The following MCF2L variants were observed in gnomAD, a reference collection of about 807,000 sequenced individuals.
MCF2L encodes guanine nucleotide exchange factor DBS.
MCF2L carries 97 observed loss-of-function variants against 153.4 expected under a neutral mutation model. The ratio of observed to expected loss-of-function variants is 0.63; its 90% CI spans 0.54 to 0.75. The LOEUF (loss-of-function observed/expected upper bound fraction) is 0.75. MCF2L is among the 30% of genes least tolerant of loss of function. MCF2L has a pLI of 0.00. For missense variants in MCF2L, 1,347 were observed against 1,495.2 expected (o/e 0.90, Z 1.64); for synonymous variants, 659 against 632.2 (o/e 1.04, Z -0.64).
At chr13:112,964,874 C>T (rs1311319668), upstream of MCF2L, 2 of 152,138 alleles carry the variant, frequency 1.3e-5, no homozygotes, top group East Asian at 3.8e-4. Context: ...TCTATATTTT[C>T]CAAAGTGAAC....
chr13:113,001,686 A>G (rs2083384908), intron 1 of MCF2L: 1 of 1,345,102 alleles, frequency 7.4e-7, no homozygotes, highest in Non-Finnish European at 9.5e-7. Context: ...CTGCAGCAGG[A>G]TAAGTGAGCC....
Position 113,033,291 on chromosome 13 carries a change from T to TG in MCF2L, c.278+8533_278+8534insG, listed in dbSNP as rs1566773049. Reference sequence around the variant, plus strand: ...GTGGCGTGAGTGGCCCCTGTGACATTAGTGGACCCCGTGGCGTGAGTGGCC... The same window carrying TG: ...GTGGCGTGAGTGGCCCCTGTGACATTGAGTGGACCCCGTGGCGTGAGTGGCC... On this transcript the variant is annotated intron_variant, in intron 3 of 29. Transcript: ENST00000535094. Among the ~76,000 whole-genome samples the TG allele has an allele frequency of 3.6e-3, 107 of 29,556 alleles. 8 individuals carry two copies. The highest frequency in any genetic ancestry group is 0.022 in the Middle Eastern group (1 of 46). 19.4% of individuals were successfully genotyped at this position (29,556 alleles called of 152,430 possible). A position where few individuals can be genotyped will look rare whatever the true frequency, so the allele number is the denominator to read the frequency against.
chr13:113,092,940 G>T, intron 26 of MCF2L, among the ~76,000 whole-genome samples: 1 of 149,642 alleles, frequency 6.7e-6, no homozygotes, highest in Admixed American at 6.7e-5. Flanking sequence ...CGCACAGGCC[G>T]GCCTCGCTGC....
intron 4 of MCF2L, among the ~76,000 whole-genome samples, chr13:113,050,739 G>A (rs2087228049): frequency 3.6e-5 from 1 of 27,742 alleles, no homozygotes; most frequent in Non-Finnish European, 7.9e-5. Flanking sequence ...GGGGGGCGGG[G>A]GGAGCGGGGG....
chr13:112,898,292 A>G (rs1229195549), intron 1 of MCF2L, among the ~76,000 whole-genome samples: 1 of 152,218 alleles, frequency 6.6e-6, no homozygotes, highest in Non-Finnish European at 1.5e-5. Context: ...CAGCACGGAC[A>G]GGTGCTCCAC....
Position 113,001,942 on chromosome 13 carries a change from G to T in MCF2L, c.80-12821G>T, listed in dbSNP as rs371859435. ...GTGCGCCGGCTGTCACTGCTGTGCC[G>T]GGACCTCTGGGCGCTGTGGCTGCTG... is the stretch of plus-strand genomic sequence containing the variant. On this transcript the variant is annotated intron_variant, in intron 1 of 29. Transcript: ENST00000535094. The T allele has an allele frequency of 6.3e-6, 10 of 1,595,172 alleles. No individual in the cohort carries two copies. In the African/African-American group the frequency reaches 1.3e-4, roughly 21 times the overall value.
At chr13:113,007,206 T>G (rs951896762) in intron 1 of MCF2L, among the ~76,000 whole-genome samples, 2 of 152,128 alleles carry the variant, frequency 1.3e-5, no homozygotes, top group African/African-American at 2.4e-5. Flanking sequence ...GCCCGCCAGG[T>G]GTAGGGTGGA....
At chr13:112,930,010 G>T (rs2081445508) in intron 2 of MCF2L, among the ~76,000 whole-genome samples, 1 of 152,194 alleles carries the variant, frequency 6.6e-6, no homozygotes, top group Non-Finnish European at 1.5e-5. Context: ...AGTTACATAT[G>T]CCCCTACACA....
At chr13:112,942,439 T>C (rs557968168) in intron 2 of MCF2L, among the ~76,000 whole-genome samples, 1 of 152,270 alleles carries the variant, frequency 6.6e-6, no homozygotes, top group Non-Finnish European at 1.5e-5. Flanking sequence ...CCAATAAATA[T>C]CAGTGCAGCC....
chr13:113,055,382 CCACACACA>C (rs59884971), intron 4 of MCF2L, among the ~76,000 whole-genome samples: 233 of 15,116 alleles, frequency 0.015, 7 homozygotes, highest in Non-Finnish European at 0.02. Flanking sequence ...CCCCCCCCCG[CCACACACA>C]CACACACACA....
chr13:113,032,179 C>T (rs939375844), intron 3 of MCF2L, among the ~76,000 whole-genome samples: 6 of 152,196 alleles, frequency 3.9e-5, no homozygotes, highest in Non-Finnish European at 8.8e-5. Flanking sequence ...CGTCCCCCTG[C>T]GGTGACCTGA....
chr13:112,934,788 G>C lies in MCF2L; in HGVS notation c.169+32417G>C, dbSNP rs377000172. ...CCACTGAGCACTGCCTGGCACTGCT[G>C]GCCTCCTGGAGATGTTCAGACACCC... On this transcript the variant is annotated intron_variant, in intron 2 of 29. Transcript: ENST00000375608. 6.6e-5 allele frequency among the ~76,000 whole-genome samples: 10 copies of C among 152,276 alleles called. No individual in the cohort carries two copies. The East Asian group carries it at 9.7e-4, about 15-fold the overall frequency.
intron 2 of MCF2L, among the ~76,000 whole-genome samples, chr13:112,913,072 CTGTG>C (rs1029783632): frequency 1.4e-5 from 2 of 142,244 alleles, no homozygotes; most frequent in East Asian, 2.1e-4. Context: ...TGGGGTGTGT[CTGTG>C]TGATTGTGTG....
At chr13:113,002,868 A>G (rs2141063486) in intron 1 of MCF2L, among the ~76,000 whole-genome samples, 1 of 152,320 alleles carries the variant, frequency 6.6e-6, no homozygotes, top group Non-Finnish European at 1.5e-5. Flanking sequence ...TAAAGTTTCC[A>G]ATTTTAAAGT....
At chr13:113,024,417 G>A (rs1417142198) in intron 2 of MCF2L, among the ~76,000 whole-genome samples, 1 of 152,224 alleles carries the variant, frequency 6.6e-6, no homozygotes, top group Non-Finnish European at 1.5e-5. Flanking sequence ...CTGTCCCATG[G>A]TGGCCAAAAT....
chr13:113,048,288 A>G (rs962797884), intron 4 of MCF2L, among the ~76,000 whole-genome samples: 4 of 152,166 alleles, frequency 2.6e-5, no homozygotes, highest in African/African-American at 9.7e-5. Context: ...TGATTCTTAC[A>G]CCATAAAAAT....
chr13:113,091,522 G>A (rs2035209779), intron 26 of MCF2L, among the ~76,000 whole-genome samples: 1 of 152,172 alleles, frequency 6.6e-6, no homozygotes, highest in African/African-American at 2.4e-5. Flanking sequence ...CCCAGTGGCT[G>A]CTGTCGGCTA....
chr13:113,071,566 T>C (rs1034556253), intron 9 of MCF2L, among the ~76,000 whole-genome samples: 5 of 152,236 alleles, frequency 3.3e-5, no homozygotes, highest in Admixed American at 1.3e-4. Flanking sequence ...GTATGAGAAT[T>C]AGATCATGAT....
At chr13:112,988,987 A>C (rs35628670) in intron 1 of MCF2L, among the ~76,000 whole-genome samples, 1 of 68,236 alleles carries the variant, frequency 1.5e-5, no homozygotes, top group African/African-American at 6.1e-5. Flanking sequence ...AGGGGATGGA[A>C]CTACCACACC....
Sources: gnomAD v4.1 joint callset for allele counts (sites outside exome capture counted in the v4.1 genomes callset) on GRCh38, gnomAD v4.1.1 for gene constraint, MANE v1.5 for transcripts, NCBI Gene and HGNC (gene_info 2026-07-23, HGNC 2026-07-21) for gene names.